Variants in PIK3CB observed in about 807,000 individuals in gnomAD.
PIK3CB encodes phosphatidylinositol-4,5-bisphosphate 3-kinase catalytic subunit beta, also known as phosphatidylinositol 4,5-bisphosphate 3-kinase catalytic subunit beta isoform.
PIK3CB carries 39 observed loss-of-function variants against 136.8 expected under a neutral mutation model. The ratio of observed to expected loss-of-function variants is 0.29; its 90% CI spans 0.22 to 0.37. The LOEUF (loss-of-function observed/expected upper bound fraction) is 0.37, where lower values mean the gene tolerates loss of function less well. Among genes scored for constraint, PIK3CB ranks in the 10% least tolerant of loss-of-function variants. PIK3CB has a pLI of 1.00. For synonymous variants in PIK3CB, 428 were observed against 436.6 expected (o/e 0.98, Z 0.25); for missense variants, 868 against 1,275.4 (o/e 0.68, Z 4.87).
At chr3:138,819,939 A>C (rs1933486508) in intron 1 of PIK3CB, among the ~76,000 whole-genome samples, 1 of 152,110 alleles carries the variant, frequency 6.6e-6, no homozygotes, top group Admixed American at 6.6e-5. Flanking sequence ...GTGCCACTGC[A>C]CTCCAGCCTG....
rs139029600 is a variant in PIK3CB, at chr3:138,663,724, G to A, written c.2796+182C>T. Among the ~76,000 whole-genome samples, 743 of 152,190 alleles carry A rather than the reference G, an allele frequency of 4.9e-3. 3 individuals are homozygous for A. The highest frequency in any genetic ancestry group is 8.5e-3 in the Non-Finnish European group (575 of 68,016). On this transcript the variant is annotated intron_variant, in intron 21 of 23. Transcript: ENST00000674063. ...CAAATAAATGCTTACCATCAAGCAA[G>A]CAAACAAATGAATACATGTAGTAGA...
At chr3:138,808,708 T>C (rs2046260422) in intron 1 of PIK3CB, among the ~76,000 whole-genome samples, 1 of 150,340 alleles carries the variant, frequency 6.7e-6, no homozygotes, top group African/African-American at 2.5e-5. Context: ...TAGGAGAAAA[T>C]CTAGGCCCTC....
chr3:138,787,717 ATTC>A (rs1398471003), intron 2 of PIK3CB, among the ~76,000 whole-genome samples: 5 of 149,856 alleles, frequency 3.3e-5, no homozygotes, highest in African/African-American at 1.2e-4. Flanking sequence ...TAACAAATGT[ATTC>A]TTTTTTTTTT....
At chr3:138,707,014 G>C (rs989695643) in intron 11 of PIK3CB, 145 bp downstream of exon 11, 14 of 673,576 alleles carry the variant, frequency 2.1e-5, no homozygotes, top group African/African-American at 1.1e-4. Flanking sequence ...AGTTAAGAAG[G>C]CTCCCTGATC....
intron 2 of PIK3CB, among the ~76,000 whole-genome samples, chr3:138,777,101 G>A (rs940315015): frequency 2.0e-5 from 3 of 152,158 alleles, no homozygotes; most frequent in Admixed American, 6.5e-5. Context: ...TGCCAAGGCT[G>A]TGGGCAAAGT....
intron 1 of PIK3CB, among the ~76,000 whole-genome samples, chr3:138,801,998 G>C (rs2046181978): frequency 6.6e-6 from 1 of 151,626 alleles, no homozygotes; most frequent in Admixed American, 6.6e-5. Context: ...AACTATGATG[G>C]TGCCACTGAA....
chr3:138,680,473 G>C (rs1378550964), intron 19 of PIK3CB, among the ~76,000 whole-genome samples: 14 of 152,032 alleles, frequency 9.2e-5, no homozygotes, highest in Non-Finnish European at 1.6e-4. Flanking sequence ...TGATGAACTG[G>C]ACTATATCTT....
At chr3:138,662,163 C>A (rs373999963) in intron 21 of PIK3CB, among the ~76,000 whole-genome samples, 5 of 148,158 alleles carry the variant, frequency 3.4e-5, no homozygotes, top group Non-Finnish European at 5.9e-5. Context: ...CACAATGTGC[C>A]GGTTAGTTAC....
At chr3:138,834,010 G>C (rs1029338881) in intron 1 of PIK3CB, among the ~76,000 whole-genome samples, 9 of 152,174 alleles carry the variant, frequency 5.9e-5, no homozygotes, top group African/African-American at 1.9e-4. Context: ...ATCGGTTACT[G>C]CAACACCAGA....
chr3:138,826,183 G>A lies in PIK3CB; in HGVS notation c.-122+8512C>T. Reference sequence around the variant, plus strand: ...CCTGACAAGCCGATGTATGTTGAGAGCTTCTAGGACTATCCTCCTCTGGGT... The same window carrying A: ...CCTGACAAGCCGATGTATGTTGAGAACTTCTAGGACTATCCTCCTCTGGGT... On this transcript the variant is annotated intron_variant, in intron 1 of 23. Transcript: ENST00000674063. 4.2e-6 allele frequency: 5 copies of A among 1,183,450 alleles called. 1 individual carries two copies. The South Asian group carries it at 6.2e-5, about 15-fold the overall frequency. 73.3% of individuals were successfully genotyped at this position (1,183,450 alleles called of 1,614,324 possible). A position where few individuals can be genotyped will look rare whatever the true frequency, so the allele number is the denominator to read the frequency against.
intron 2 of PIK3CB, among the ~76,000 whole-genome samples, chr3:138,785,497 C>A (rs1443626155): frequency 6.6e-6 from 1 of 152,186 alleles, no homozygotes; most frequent in Admixed American, 6.5e-5. Context: ...CCTTGGGATG[C>A]TGTTAATCTA....
At chr3:138,690,820 C>G (rs2043992360) in intron 15 of PIK3CB, among the ~76,000 whole-genome samples, 180 bp downstream of exon 15, 2 of 150,846 alleles carry the variant, frequency 1.3e-5, no homozygotes, top group South Asian at 4.2e-4. Context: ...TTTGTCAAAT[C>G]TCAAATCATA....
intron 1 of PIK3CB, among the ~76,000 whole-genome samples, chr3:138,802,205 C>A (rs1224136961): frequency 1.7e-5 from 2 of 119,104 alleles, no homozygotes; most frequent in African/African-American, 3.1e-5. Flanking sequence ...GAAACCCCGT[C>A]TCTACTAAAA....
At chr3:138,752,706 C>T (rs757808376) in intron 4 of PIK3CB, among the ~76,000 whole-genome samples, 2 of 149,064 alleles carry the variant, frequency 1.3e-5, no homozygotes, top group Non-Finnish European at 3.0e-5. Context: ...GAGACCTCGT[C>T]TCAACAGAAA....
chr3:138,779,882 A>G (rs758889679), intron 2 of PIK3CB, among the ~76,000 whole-genome samples: 5 of 152,146 alleles, frequency 3.3e-5, no homozygotes, highest in Non-Finnish European at 7.4e-5. Flanking sequence ...TAACTTTAGT[A>G]TATCAGCAAA....
intron 21 of PIK3CB, among the ~76,000 whole-genome samples, chr3:138,661,289 A>G (rs922684640): frequency 6.6e-6 from 1 of 152,194 alleles, no homozygotes; most frequent in Non-Finnish European, 1.5e-5. Context: ...TAAGCTGCCA[A>G]CTAGTTCTGT....
At chr3:138,698,844 T>C in intron 13 of PIK3CB, 63 bp downstream of exon 13, 19 of 973,376 alleles carry the variant, frequency 2.0e-5, no homozygotes, top group Non-Finnish European at 2.9e-5. Context: ...AAAAGGATAC[T>C]TTATGTGAAT....
intron 14 of PIK3CB, among the ~76,000 whole-genome samples, chr3:138,693,966 T>TTA (rs1290359773): frequency 0.01 from 428 of 42,376 alleles, 9 homozygotes; most frequent in Non-Finnish European, 0.011. Context: ...TATATATATA[T>TTA]TATATATATA....
chr3:138,695,931 A>AT (rs34470924), intron 13 of PIK3CB, among the ~76,000 whole-genome samples: 47,742 of 91,228 alleles, frequency 0.52, 12,193 homozygotes, highest in East Asian at 0.86. Flanking sequence ...AATTTTTTGT[A>AT]TTTTTTTTTT....
Sources: gnomAD v4.1 joint callset for allele counts (sites outside exome capture counted in the v4.1 genomes callset) on GRCh38, gnomAD v4.1.1 for gene constraint, MANE v1.5 for transcripts, NCBI Gene and HGNC (gene_info 2026-07-23, HGNC 2026-07-21) for gene names.